Variants in UBAP2 observed in about 807,000 individuals in gnomAD.
UBAP2 encodes ubiquitin-associated protein 2.
Under a neutral mutation model 139.6 loss-of-function variants are expected in UBAP2, and 75 were observed. The ratio of observed to expected loss-of-function variants is 0.54; its 90% CI spans 0.45 to 0.65. UBAP2 has a LOEUF of 0.65. Ranked by LOEUF, UBAP2 falls within the 30% of genes least tolerant of loss-of-function variation. The pLI is 0.00. For synonymous variants in UBAP2, 526 were observed against 526.2 expected, an observed-to-expected ratio of 1.00 and a Z score of 0.01; for missense variants, 1,368 against 1,369.6, an observed-to-expected ratio of 1.00 and a Z score of 0.02.
rs981395318 is a variant in UBAP2 at position 33,944,781 on chromosome 9, C to T, written c.1271-142G>A. 9.3e-6 allele frequency: 9 copies of T among 970,972 alleles called. No homozygotes were observed. The African/African-American group carries it at 1.3e-4, about 14-fold the overall frequency. 60.1% of individuals were successfully genotyped at this position (970,972 alleles called of 1,614,324 possible). On this transcript the variant is annotated intron_variant, in intron 13 of 28. Transcript: ENST00000379238. ...GGTTTTACACACACTATGTGTAACA[C>T]TTCATTTATGATAAACGGGAAAAGT...
At chr9:33,943,349 T>C (rs1587537303) in intron 15 of UBAP2, 71 bp downstream of exon 15, 20 of 1,474,868 alleles carry the variant, frequency 1.4e-5, no homozygotes, top group East Asian at 2.3e-5. Flanking sequence ...TACCACAGGA[T>C]GTATTCTTTT....
At chr9:34,032,298 T>C (rs569227399) in intron 1 of UBAP2, among the ~76,000 whole-genome samples, 8 of 152,232 alleles carry the variant, frequency 5.3e-5, no homozygotes, top group African/African-American at 1.4e-4. Flanking sequence ...AATTAACTCA[T>C]AGATTTAATA....
In UBAP2 at chr9:34,039,134, G is replaced by A. The variant is rs1216094183; in HGVS notation, c.-42+9691C>T. Among the ~76,000 whole-genome samples, 9 of 151,090 alleles carry A rather than the reference G, an allele frequency of 6.0e-5. No individual in the cohort carries two copies. In the East Asian group the frequency reaches 7.9e-4, roughly 13 times the overall value. ...AGCGTCTCCGCCCGGCAGCCGGCCCGTCTGGGAGGTGGGGGGCAGCCTCCG... is the reference window on the plus strand; with the variant it reads ...AGCGTCTCCGCCCGGCAGCCGGCCCATCTGGGAGGTGGGGGGCAGCCTCCG... On this transcript the variant is annotated intron_variant, in intron 1 of 28. Transcript: ENST00000379238.
intron 1 of UBAP2, among the ~76,000 whole-genome samples, chr9:34,023,009 G>A (rs1001349110): frequency 2.0e-5 from 3 of 151,946 alleles, no homozygotes; most frequent in Non-Finnish European, 4.4e-5. Flanking sequence ...GGCGGATCAC[G>A]AGGTCAGGAG....
At chr9:33,943,738 T>C in intron 14 of UBAP2, 149 bp from the exon 15 acceptor site, 1 of 733,008 alleles carries the variant, frequency 1.4e-6, no homozygotes, top group African/African-American at 1.8e-5. Context: ...GCTAAGACTT[T>C]TCTAAAAAGA....
At chr9:34,002,480 C>T (rs1023576723) in intron 2 of UBAP2, among the ~76,000 whole-genome samples, 9 of 150,058 alleles carry the variant, frequency 6.0e-5, no homozygotes, top group Non-Finnish European at 7.4e-5. Flanking sequence ...CAGGTTCAAG[C>T]GATTCTCTTG....
intron 6 of UBAP2, among the ~76,000 whole-genome samples, chr9:33,986,335 G>A (rs1048344606): frequency 5.3e-5 from 8 of 152,052 alleles, no homozygotes; most frequent in Admixed American, 1.3e-4. Flanking sequence ...TAACAATTAC[G>A]TATTATACAC....
At chr9:33,942,727 C>CAAAAAAAAA (rs544848249) in intron 15 of UBAP2, among the ~76,000 whole-genome samples, 3 of 135,082 alleles carry the variant, frequency 2.2e-5, no homozygotes, top group Non-Finnish European at 1.6e-5. Context: ...GACCCTATCT[C>CAAAAAAAAA]AAAAAAAAAA....
chr9:34,032,981 T>C (rs1007410132), intron 1 of UBAP2, among the ~76,000 whole-genome samples: 32 of 151,566 alleles, frequency 2.1e-4, no homozygotes. Flanking sequence ...TGTTTAACTC[T>C]TGCTTCTTAT....
In UBAP2 at chr9:33,948,675, T is replaced by C; in HGVS notation, c.1057-88A>G. 2.8e-6 allele frequency: 3 copies of C among 1,088,782 alleles called. No individual in the cohort carries two copies. The South Asian group carries it at 4.6e-5, about 17-fold the overall frequency. 67.4% of individuals were successfully genotyped at this position (1,088,782 alleles called of 1,614,324 possible). On this transcript the variant is annotated intron_variant, in intron 12 of 28. Coordinates refer to ENST00000379238, the MANE Select transcript of UBAP2 (RefSeq NM_001370062.2). ...AACATATCAAGTATTTTCACAAGTA[T>C]GTTAAAACCTATAATCTAAAACATA...
At chr9:33,939,799 A>C (rs7872544) in intron 16 of UBAP2, among the ~76,000 whole-genome samples, 1 of 6,808 alleles carries the variant, frequency 1.5e-4, no homozygotes. Flanking sequence ...GGGAGGAGGA[A>C]GGGGAGGAGG....
At chr9:33,968,195 G>A (rs1827615343) in intron 8 of UBAP2, 1 of 614,934 alleles carries the variant, frequency 1.6e-6, no homozygotes, top group Admixed American at 1.9e-5. Flanking sequence ...GATATTTGGT[G>A]CATTCGATTG....
At chr9:34,023,497 C>T (rs1346201506) in intron 1 of UBAP2, among the ~76,000 whole-genome samples, 3 of 152,118 alleles carry the variant, frequency 2.0e-5, no homozygotes, top group African/African-American at 7.2e-5. Flanking sequence ...TAAAATTTTA[C>T]TGGTCCATGT....
At chr9:33,952,822 G>C (rs564652801) in intron 12 of UBAP2, 1 of 154,598 alleles carries the variant, frequency 6.5e-6, no homozygotes, top group South Asian at 2.0e-4. Context: ...ATATGTGCTT[G>C]GAAATTACCA....
intron 1 of UBAP2, among the ~76,000 whole-genome samples, chr9:34,048,270 G>A (rs916765173): frequency 6.6e-6 from 1 of 152,232 alleles, no homozygotes; most frequent in Non-Finnish European, 1.5e-5. Flanking sequence ...GGAACGGCGG[G>A]TGTGGAGGAA....
Position 33,943,724 on chromosome 9 carries a change from A to G in UBAP2, c.1546-135T>C, listed in dbSNP as rs1825426916. 5 of 773,870 alleles carry G rather than the reference A, an allele frequency of 6.5e-6. No individual in the cohort carries two copies. The Admixed American group carries it at 1.1e-4, about 18-fold the overall frequency. The allele number at this position is 773,870 out of a possible 1,614,324, so 47.9% of individuals were successfully genotyped here. On this transcript the variant is annotated intron_variant, in intron 14 of 28. Coordinates refer to ENST00000379238, the MANE Select transcript of UBAP2 (RefSeq NM_001370062.2). Reference sequence around the variant, plus strand: ...AGAAGGAGTGAGAAACAAGGAGAAAATAGGCTAAGACTTTTCTAAAAAGAG... The same window carrying G: ...AGAAGGAGTGAGAAACAAGGAGAAAGTAGGCTAAGACTTTTCTAAAAAGAG...
chr9:33,941,645 T>C lies in UBAP2; in HGVS notation c.1929+4A>G. The C allele has an allele frequency of 6.2e-7, 1 of 1,613,324 alleles. No homozygotes were observed. Among genetic ancestry groups the C allele is most frequent in the Non-Finnish European group, 8.5e-7 (1 of 1,179,346 alleles). ...TCTGAGAAAAAAACTAAAATACCAC[T>C]TACCATGATGGTTCCTGGAGCTGAC... On this transcript the variant is annotated splice_donor_region_variant and intron_variant, in intron 16 of 28. Transcript: ENST00000379238.
At chr9:33,949,531 C>T (rs1377077309) in intron 12 of UBAP2, among the ~76,000 whole-genome samples, 5 of 152,060 alleles carry the variant, frequency 3.3e-5, no homozygotes, top group African/African-American at 1.2e-4. Flanking sequence ...GGTGAAACCC[C>T]GTCTCTACTA....
chr9:34,040,154 C>A (rs12156614), intron 1 of UBAP2, among the ~76,000 whole-genome samples: 2,227 of 146,630 alleles, frequency 0.015, 28 homozygotes, highest in Non-Finnish European at 0.021. Context: ...GGCTAGACTC[C>A]GTCTCAAAAA....
Sources: gnomAD v4.1 joint callset for allele counts (sites outside exome capture counted in the v4.1 genomes callset) on GRCh38, gnomAD v4.1.1 for gene constraint, MANE v1.5 for transcripts, NCBI Gene and HGNC (gene_info 2026-07-23, HGNC 2026-07-21) for gene names.